The following PIEZO1 variants were observed in gnomAD, a reference collection of about 807,000 sequenced individuals.
PIEZO1 encodes the protein piezo-type mechanosensitive ion channel component 1.
Under a neutral mutation model 297.2 loss-of-function variants are expected in PIEZO1, and 296 were observed. The ratio of observed to expected loss-of-function variants is 1.00; its 90% confidence interval spans 0.91 to 1.10. PIEZO1 has a LOEUF of 1.10. Among genes scored for constraint, PIEZO1 ranks in the 50% least tolerant of loss-of-function variants. PIEZO1 has a pLI of 0.00. For synonymous variants in PIEZO1, 2,427 were observed against 1,507.5 expected (o/e 1.61, Z -14.13); for missense variants, 5,018 against 3,455.5 (o/e 1.45, Z -11.34).
chr16:88,727,807 A>C (rs979593994), intron 22 of PIEZO1, 146 bp from the exon 23 acceptor site: 4 of 452,562 alleles, frequency 8.8e-6, no homozygotes, highest in Non-Finnish European at 1.2e-5. Context: ...GAGAACTGAC[A>C]GCTCTAGTGT....
chr16:88,737,136 C>T, intron 10 of PIEZO1: 1 of 245,082 alleles, frequency 4.1e-6, no homozygotes, highest in Non-Finnish European at 7.9e-6. Context: ...CCCCCAGGCC[C>T]TCCCAAGGCG....
chr16:88,760,580 C>T (rs886418164), intron 1 of PIEZO1, among the ~76,000 whole-genome samples: 11 of 152,206 alleles, frequency 7.2e-5, no homozygotes, highest in African/African-American at 2.7e-4. Context: ...GGGGAACGAC[C>T]CGCCTTTAAG....
chr16:88,723,199 TCA>T (rs1904295863), intron 32 of PIEZO1, 25 bp downstream of exon 32: 1 of 1,548,884 alleles, frequency 6.5e-7, no homozygotes, highest in South Asian at 1.2e-5. Flanking sequence ...CGGCTTCCCC[TCA>T]GAGTCCCCAC....
At chr16:88,781,538 G>C (rs1450295019) in intron 1 of PIEZO1, among the ~76,000 whole-genome samples, 1 of 152,234 alleles carries the variant, frequency 6.6e-6, no homozygotes, top group Non-Finnish European at 1.5e-5. Context: ...GACAGAGTGC[G>C]CCCCTCTGTC....
chr16:88,732,708 G>C lies in PIEZO1; in HGVS notation c.2689C>G (p.Leu897Val), dbSNP rs150958604. The C allele has an allele frequency of 1.9e-6, 3 of 1,548,306 alleles. No individual in the cohort carries two copies. Among genetic ancestry groups the C allele is most frequent in the Middle Eastern group, 1.7e-4 (1 of 5,906 alleles). The change falls in exon 20 of 51, where the codon CTG becomes GTG. Residue 897 changes from leucine to valine, a missense_variant. Physicochemically the swap from Leu to Val is conservative, Grantham distance 32. Coordinates refer to ENST00000301015, the MANE Select transcript of PIEZO1 (RefSeq NM_001142864.4). ...TEPFPNSTNLLPTEISQSLLY... is the reference protein window; with the variant it reads ...TEPFPNSTNLVPTEISQSLLY... ...AGGGACTGGCTGATCTCCGTGGGCA[G>C]CAAGTTGGTGCTGTTGGGGAAGGGC...
At chr16:88,731,957 G>GAGGGGGGGGTGTGGGGATGCACA (rs151293846) in intron 21 of PIEZO1, 47 bp from the exon 22 acceptor site, 2 of 97,956 alleles carry the variant, frequency 2.0e-5, no homozygotes, top group South Asian at 3.1e-4. Context: ...GAGTCTGGGG[G>GAGGGGGGGGTGTGGGGATGCACA]GAGGGACTTT....
In PIEZO1 at chr16:88,733,701, C is replaced by T; in HGVS notation, c.2374G>A (p.Ala792Thr). ...GAGAGGACGTCCGAGAAGCCGGCTG[C>T]CAGCTCCAGCAGCCGCTCAGCCACC... ...GLVAERLLEL[A>T]AGFSDVLSRV... The change falls in exon 18 of 51, where the codon GCA (alanine) becomes ACA (threonine). Residue 792 changes from alanine to threonine, a missense_variant. Transcript: ENST00000301015. The T allele has an allele frequency of 6.5e-7, 1 of 1,548,840 alleles. No individual in the cohort carries two copies. The highest frequency in any genetic ancestry group is 8.7e-7 in the Non-Finnish European group (1 of 1,146,146).
chr16:88,717,151 GGC>G lies in PIEZO1; in HGVS notation c.6530_6531del (p.Gly2177AlafsTer43). 1 of 1,551,174 alleles carries G rather than the reference GGC, an allele frequency of 6.4e-7. No homozygotes were observed. The highest frequency in any genetic ancestry group is 8.7e-7 in the Non-Finnish European group (1 of 1,147,170). ...ATGGCGATGAGGAAGAGGATGATGA[GGC>G]CACCCATGCCGTACTTGACGATCTT... ...KKKIVKYGMG[G>X]LIILFLIAII... is the part of the protein sequence containing the mutation. On this transcript the variant is annotated frameshift_variant, in exon 45 of 51. Transcript: ENST00000301015. LOFTEE classifies it high-confidence loss of function.
At chr16:88,726,190 C>A (rs929582112) in intron 27 of PIEZO1, 94 bp downstream of exon 27, 21 of 1,098,928 alleles carry the variant, frequency 1.9e-5, no homozygotes, top group Non-Finnish European at 1.9e-5. Context: ...AGCCTGCCCT[C>A]CACGGGCCGG....
At position 88,732,482 on chromosome 16, in the gene PIEZO1, G is replaced by C. The variant is rs1282946654; in HGVS notation, c.2844C>G (p.Arg948=). 18 of 1,549,088 alleles carry C rather than the reference G, an allele frequency of 1.2e-5. No individual in the cohort carries two copies. The highest frequency in any genetic ancestry group is 5.9e-5 in the Admixed American group (3 of 50,926). Residue 948 remains arginine, a synonymous_variant, in exon 21 of 51, where the codon CGC becomes CGG. Transcript: ENST00000301015. ...LLVFEAIVYR[R]QEHYRRQHQL... ...GGTGCTGCCGGCGGTAGTGCTCCTGGCGCCGGTACACGATGGCCTCGAATA... is the reference window on the plus strand; with the variant it reads ...GGTGCTGCCGGCGGTAGTGCTCCTGCCGCCGGTACACGATGGCCTCGAATA...
chr16:88,737,675 C>G (rs756460127), intron 9 of PIEZO1, 29 bp from the exon 10 acceptor site: 2 of 1,532,602 alleles, frequency 1.3e-6, no homozygotes, highest in Non-Finnish European at 1.7e-6. Context: ...GAGCCATGCA[C>G]GGGCTGGCCG....
chr16:88,729,991 C>T (rs1010478363), intron 22 of PIEZO1, among the ~76,000 whole-genome samples: 12 of 152,274 alleles, frequency 7.9e-5, no homozygotes, highest in Non-Finnish European at 1.6e-4. Context: ...GGCGCAGCCG[C>T]GTGGAAGGAG....
At chr16:88,776,054 T>A (rs1479854082) in intron 1 of PIEZO1, among the ~76,000 whole-genome samples, 2 of 152,170 alleles carry the variant, frequency 1.3e-5, no homozygotes, top group Non-Finnish European at 2.9e-5. Flanking sequence ...GCCCACGGGC[T>A]ACAAGCTGGG....
chr16:88,734,114 G>A, intron 16 of PIEZO1, 60 bp from the exon 17 acceptor site: 1 of 1,464,570 alleles, frequency 6.8e-7, no homozygotes, highest in South Asian at 1.4e-5. Flanking sequence ...ATTTCCTGGG[G>A]CTGGAAGAAG....
chr16:88,732,765 C>T, intron 19 of PIEZO1, 33 bp from the exon 20 acceptor site: 1 of 1,516,090 alleles, frequency 6.6e-7, no homozygotes, highest in East Asian at 2.5e-5. Flanking sequence ...TGCCCCCTCC[C>T]AGGCCACAGT....
Position 88,720,490 on chromosome 16 carries a change from G to C in PIEZO1, c.5844C>G (p.Asp1948Glu). 6.4e-7 allele frequency: 1 copy of C among 1,550,422 alleles called. No individual in the cohort carries two copies. Among genetic ancestry groups the C allele is most frequent in the Non-Finnish European group, 8.7e-7 (1 of 1,146,962 alleles). Residue 1948 changes from aspartate (D) to glutamate (E), a missense_variant, in exon 41 of 51, where the codon GAC becomes GAG. Transcript: ENST00000301015. ...TYRPLRRFFH[D>E]ILHTKYRAAT... The stretch of plus-strand genomic sequence containing the variant: ...CTGCGCGGTACTTGGTGTGCAGGAT[G>C]TCGTGGAAGAAGCGCCGTAGCGGCC...
chr16:88,724,151 G>A (rs532741177), intron 30 of PIEZO1, among the ~76,000 whole-genome samples, 180 bp from the exon 31 acceptor site: 32 of 152,378 alleles, frequency 2.1e-4, no homozygotes, highest in African/African-American at 7.5e-4. Flanking sequence ...CAGGGCAGCT[G>A]AGGAGCAGAG....
Position 88,738,700 on chromosome 16 carries a change from C to T in PIEZO1, c.502G>A (p.Ala168Thr), listed in dbSNP as rs1567676606. Residue 168 changes from alanine (A) to threonine (T), a missense_variant, in exon 6 of 51, where the codon GCA becomes ACA. By Grantham distance (58) the Ala-to-Thr change is moderately conservative. Coordinates refer to ENST00000301015, the MANE Select transcript of PIEZO1 (RefSeq NM_001142864.4). ...DERDVDASPT[A>T]GLQEAATLAP... ...AGCGTTGCTGCTTCCTGCAGCCCTG[C>T]CGTCGGGCTGGCATCCACATCCCTC... is the stretch of plus-strand genomic sequence containing the variant. 2.0e-6 allele frequency: 3 copies of T among 1,533,646 alleles called. No homozygotes were observed. Among genetic ancestry groups the T allele is most frequent in the East Asian group, 2.4e-5 (1 of 40,844 alleles).
intron 1 of PIEZO1, among the ~76,000 whole-genome samples, chr16:88,764,250 A>G (rs899053343): frequency 6.6e-6 from 1 of 152,140 alleles, no homozygotes; most frequent in Non-Finnish European, 1.5e-5. Flanking sequence ...GGTCCTCTTG[A>G]AGCCCCAGCA....
Sources: gnomAD v4.1 joint callset for allele counts (sites outside exome capture counted in the v4.1 genomes callset) on GRCh38, gnomAD v4.1.1 for gene constraint, MANE v1.5 for transcripts, NCBI Gene and HGNC (gene_info 2026-07-23, HGNC 2026-07-21) for gene names.